The following SLC24A2 variants were observed in gnomAD, a reference collection of about 807,000 sequenced individuals.
SLC24A2 encodes the protein sodium/potassium/calcium exchanger 2.
SLC24A2 carries 36 observed loss-of-function variants against 62.0 expected under a neutral mutation model. That is an observed-to-expected ratio of 0.58 (90% CI 0.44 to 0.77). The LOEUF (loss-of-function observed/expected upper bound fraction) is 0.77, where lower values mean the gene tolerates loss of function less well. Ranked by LOEUF, SLC24A2 falls within the 30% of genes least tolerant of loss-of-function variation. The pLI is 0.00. For missense variants in SLC24A2, 846 were observed against 817.9 expected, an observed-to-expected ratio of 1.03 and a Z score of -0.42; for synonymous variants, 358 against 294.0, an observed-to-expected ratio of 1.22 and a Z score of -2.23.
the SLC24A2 span, among the ~76,000 whole-genome samples, chr9:19,933,528 C>A: frequency 8.4e-4 from 127 of 152,078 alleles, no homozygotes; most frequent in Non-Finnish European, 1.5e-3. Context: ...TCAAAGAACG[C>A]GCCGGGGGTG....
the SLC24A2 span, among the ~76,000 whole-genome samples, chr9:20,247,457 A>G: frequency 6.6e-6 from 1 of 152,158 alleles, no homozygotes; most frequent in Non-Finnish European, 1.5e-5. Context: ...ATAAATTATG[A>G]GGGTGAAGCC....
chr9:19,806,551 A>G, the SLC24A2 span, among the ~76,000 whole-genome samples: 1 of 152,112 alleles, frequency 6.6e-6, no homozygotes. Flanking sequence ...TCTTTCAGTA[A>G]AGGTATATTT....
chr9:19,644,141 G>T (rs1265051917), intron 2 of SLC24A2, among the ~76,000 whole-genome samples: 2 of 152,216 alleles, frequency 1.3e-5, no homozygotes, highest in Non-Finnish European at 2.9e-5. Context: ...AGATTTACAT[G>T]TTGAGAATAA....
chr9:19,508,971 T>C lies in SLC24A2; in HGVS notation c.*7182A>G, dbSNP rs1313927516. ...GCATTATGAAATCTGCTGCTTTACA[T>C]GTCCTCCCAAGGAAGGTTAGTAATT... On this transcript the variant is annotated 3_prime_UTR_variant, in exon 11 of 11. Transcript: ENST00000341998. 1 of 152,170 alleles carries C rather than the reference T, an allele frequency of 6.6e-6. No homozygotes were observed. Among genetic ancestry groups the C allele is most frequent in the Non-Finnish European group, 1.5e-5 (1 of 68,026 alleles). 9.4% of individuals were successfully genotyped at this position (152,170 alleles called of 1,614,324 possible).
chr9:19,832,407 T>G, the SLC24A2 span, among the ~76,000 whole-genome samples: 1 of 152,168 alleles, frequency 6.6e-6, no homozygotes, highest in African/African-American at 2.4e-5. Flanking sequence ...TAGTAACGGA[T>G]TCTGTCAAAA....
At chr9:19,545,359 C>T (rs1234026418) in intron 8 of SLC24A2, among the ~76,000 whole-genome samples, 2 of 152,042 alleles carry the variant, frequency 1.3e-5, no homozygotes, top group African/African-American at 4.8e-5. Flanking sequence ...AGCTTCCTTG[C>T]ATTGGGTTAG....
intron 2 of SLC24A2, among the ~76,000 whole-genome samples, chr9:19,720,351 T>A (rs1335620656): frequency 6.6e-6 from 1 of 152,204 alleles, no homozygotes; most frequent in Non-Finnish European, 1.5e-5. Context: ...TTTGGGGACA[T>A]CACTTTGACT....
At chr9:19,711,068 T>C (rs1435078878) in intron 2 of SLC24A2, among the ~76,000 whole-genome samples, 1 of 152,206 alleles carries the variant, frequency 6.6e-6, no homozygotes, top group Non-Finnish European at 1.5e-5. Flanking sequence ...AGAAGCAAAA[T>C]AACTGTGTGC....
intron 2 of SLC24A2, among the ~76,000 whole-genome samples, chr9:19,733,498 C>A (rs1428716397): frequency 6.6e-6 from 1 of 152,184 alleles, no homozygotes; most frequent in African/African-American, 2.4e-5. Context: ...GAGAACGCAG[C>A]TTGCTGCACC....
intron 6 of SLC24A2, among the ~76,000 whole-genome samples, chr9:19,574,920 CA>C (rs1835962421): frequency 6.6e-6 from 1 of 152,238 alleles, no homozygotes; most frequent in Non-Finnish European, 1.5e-5. Context: ...TCATCATTGT[CA>C]GATCCGAGCA....
the SLC24A2 span, among the ~76,000 whole-genome samples, chr9:20,078,947 G>C: frequency 4.6e-5 from 7 of 152,340 alleles, no homozygotes; most frequent in African/African-American, 1.4e-4. Context: ...GTAACTTTTT[G>C]TAGTGGATTG....
At chr9:20,036,720 G>A in the SLC24A2 span, among the ~76,000 whole-genome samples, 2 of 151,988 alleles carry the variant, frequency 1.3e-5, no homozygotes, top group African/African-American at 2.4e-5. Flanking sequence ...GTCATCTTTC[G>A]GTATCCCTGG....
At chr9:20,108,749 A>G in the SLC24A2 span, among the ~76,000 whole-genome samples, 1 of 151,984 alleles carries the variant, frequency 6.6e-6, no homozygotes, top group African/African-American at 2.4e-5. Context: ...CCTAATGTTA[A>G]ATGATGAGTT....
At chr9:20,288,161 C>A in the SLC24A2 span, among the ~76,000 whole-genome samples, 1 of 152,120 alleles carries the variant, frequency 6.6e-6, no homozygotes, top group African/African-American at 2.4e-5. Context: ...TGACTTGCAA[C>A]CATCATCTGC....
the SLC24A2 span, among the ~76,000 whole-genome samples, chr9:20,195,541 C>A: frequency 6.6e-6 from 1 of 151,980 alleles, no homozygotes; most frequent in African/African-American, 2.4e-5. Context: ...CTGCCTTTTT[C>A]TCTCAATTTG....
At chr9:20,115,898 G>A in the SLC24A2 span, among the ~76,000 whole-genome samples, 1 of 152,072 alleles carries the variant, frequency 6.6e-6, no homozygotes, top group East Asian at 1.9e-4. Flanking sequence ...GAATCTAATT[G>A]GGGCAAAGTA....
the SLC24A2 span, among the ~76,000 whole-genome samples, chr9:20,095,991 C>T: frequency 1.3e-5 from 2 of 152,088 alleles, no homozygotes; most frequent in Non-Finnish European, 2.9e-5. Flanking sequence ...CCACTGGGTC[C>T]CTTCCACAAC....
At chr9:20,118,768 C>G in the SLC24A2 span, among the ~76,000 whole-genome samples, 1 of 152,090 alleles carries the variant, frequency 6.6e-6, no homozygotes, top group Admixed American at 6.6e-5. Flanking sequence ...TAATATCTCT[C>G]ATGAACATAG....
the SLC24A2 span, among the ~76,000 whole-genome samples, chr9:20,008,084 C>T: frequency 1.3e-5 from 2 of 151,464 alleles, no homozygotes; most frequent in Non-Finnish European, 2.9e-5. Flanking sequence ...TTAATAGAGA[C>T]GGGGTTTTGC....
Sources: allele counts gnomAD v4.1 joint callset (sites outside exome capture counted in the v4.1 genomes callset), GRCh38; gene constraint gnomAD v4.1.1; transcripts MANE v1.5; gene names NCBI Gene and HGNC (gene_info 2026-07-23, HGNC 2026-07-21).